Variants in STAG1 observed in about 807,000 individuals in gnomAD.
STAG1 encodes the protein STAG1 cohesin complex component.
Under a neutral mutation model 170.9 loss-of-function variants are expected in STAG1, and 26 were observed. The ratio of observed to expected loss-of-function variants is 0.15; its 90% CI spans 0.11 to 0.21. The LOEUF (loss-of-function observed/expected upper bound fraction) is 0.21, where lower values mean the gene tolerates loss of function less well. Ranked by LOEUF, STAG1 falls within the 10% of genes least tolerant of loss-of-function variation. STAG1 has a pLI of 1.00. For synonymous variants in STAG1, 514 were observed against 497.7 expected (o/e 1.03, Z -0.44); for missense variants, 964 against 1,509.5 (o/e 0.64, Z 5.99).
intron 9 of STAG1, among the ~76,000 whole-genome samples, chr3:136,477,772 C>T (rs1265483670): frequency 6.6e-6 from 1 of 152,118 alleles, no homozygotes; most frequent in African/African-American, 2.4e-5. Flanking sequence ...TAATGTTTCT[C>T]AAAAGAACTG....
At chr3:136,707,679 A>G (rs534418268) in intron 1 of STAG1, among the ~76,000 whole-genome samples, 1 of 152,350 alleles carries the variant, frequency 6.6e-6, no homozygotes, top group African/African-American at 2.4e-5. Context: ...GAAAAGGTCA[A>G]TGGGGAAGTG....
chr3:136,343,941 G>A lies in STAG1; in HGVS notation c.3337C>T (p.Pro1113Ser). 1 of 1,612,064 alleles carries A rather than the reference G, an allele frequency of 6.2e-7. No homozygotes were observed. Among genetic ancestry groups the A allele is most frequent in the Non-Finnish European group, 8.5e-7 (1 of 1,179,120 alleles). ...ACAGTGGATGTGAGTTGTGGTGCTG[G>A]CAGGGGGCCAGGAGTCTGAATCATG... The part of the protein sequence containing the change: ...DTMIQTPGPL[P>S]APQLTSTVLR... Residue 1113 changes from proline (P) to serine (S), a missense_variant, in exon 30 of 34, where the codon CCA becomes TCA. Coordinates refer to ENST00000383202, the MANE Select transcript of STAG1 (RefSeq NM_005862.3).
Position 136,343,848 on chromosome 3 carries a change from G to A in STAG1, c.3430C>T (p.Pro1144Ser), listed in dbSNP as rs1936102998. The A allele has an allele frequency of 4.4e-6, 7 of 1,579,266 alleles. No individual in the cohort carries two copies. Among genetic ancestry groups the A allele is most frequent in the Non-Finnish European group, 6.0e-6 (7 of 1,164,052 alleles). Residue 1144 changes from proline to serine, a missense_variant, in exon 30 of 34, where the codon CCA (proline) becomes TCA (serine). Pro to Ser is a moderately conservative substitution (Grantham distance 74). Around this residue, in one of 11 missense-constraint regions of STAG1, gnomAD observed 122 missense variants for 129.0 expected, o/e 0.95. Coordinates refer to ENST00000383202, the MANE Select transcript of STAG1 (RefSeq NM_005862.3). Reference protein sequence around the residue: ...QEPESEHGSEPDFLHNPQMQI... With the variant: ...QEPESEHGSESDFLHNPQMQI... ...GCTACTTACTTGTGTAAAAAGTCTG[G>A]TTCAGAACCATGTTCAGACTCAGGT...
chr3:136,590,249 T>C (rs558590340), intron 4 of STAG1, among the ~76,000 whole-genome samples: 205 of 150,694 alleles, frequency 1.4e-3, no homozygotes, highest in African/African-American at 2.5e-3. Context: ...CTTTGGGAGG[T>C]TGAGGTGGGT....
intron 29 of STAG1, among the ~76,000 whole-genome samples, chr3:136,346,476 C>CA (rs1357071836): frequency 4.6e-5 from 7 of 152,092 alleles, no homozygotes; most frequent in Non-Finnish European, 1.0e-4. Context: ...CTCAAATTGA[C>CA]AAAAAAGTTT....
At chr3:136,668,174 A>C (rs903164923) in intron 1 of STAG1, among the ~76,000 whole-genome samples, 2 of 151,672 alleles carry the variant, frequency 1.3e-5, no homozygotes, top group African/African-American at 4.8e-5. Flanking sequence ...TGGAGGTTGC[A>C]ATGAGGCGAG....
At chr3:136,509,286 G>A (rs991318015) in intron 7 of STAG1, among the ~76,000 whole-genome samples, 2 of 152,070 alleles carry the variant, frequency 1.3e-5, no homozygotes, top group East Asian at 1.9e-4. Context: ...GATAGGAAAT[G>A]TAGCTTTGAG....
intron 4 of STAG1, among the ~76,000 whole-genome samples, chr3:136,601,865 A>G (rs775252956): frequency 6.6e-6 from 1 of 152,060 alleles, no homozygotes; most frequent in Non-Finnish European, 1.5e-5. Flanking sequence ...CAGAAAAGAC[A>G]CAGCATAAGA....
chr3:136,354,660 A>G (rs961151330), intron 28 of STAG1, among the ~76,000 whole-genome samples: 2 of 151,394 alleles, frequency 1.3e-5, no homozygotes, highest in African/African-American at 4.9e-5. Context: ...GAAAATAACT[A>G]AAAAAATACA....
In STAG1 at chr3:136,423,187, T is replaced by A. The variant is rs1559792462; in HGVS notation, c.1651-143A>T. On this transcript the variant is annotated intron_variant, in intron 16 of 33. Transcript: ENST00000383202. ...TGACTGAAATAAACACAAGAAAGTT[T>A]ATGCAAATTTTTACATAACATGCAC... 14 of 545,840 alleles carry A rather than the reference T, an allele frequency of 2.6e-5. No individual in the cohort carries two copies. In the East Asian group the frequency reaches 4.3e-4, roughly 17 times the overall value. 33.8% of individuals were successfully genotyped at this position (545,840 alleles called of 1,614,324 possible).
At chr3:136,636,853 T>C (rs940903719) in intron 1 of STAG1, among the ~76,000 whole-genome samples, 7 of 152,200 alleles carry the variant, frequency 4.6e-5, no homozygotes, top group Non-Finnish European at 8.8e-5. Flanking sequence ...TCCCAGCAGC[T>C]CAGGGAGCAA....
chr3:136,516,130 T>A (rs775311551), intron 7 of STAG1, among the ~76,000 whole-genome samples: 1 of 152,150 alleles, frequency 6.6e-6, no homozygotes, highest in East Asian at 1.9e-4. Flanking sequence ...ATCTTAACCA[T>A]AGAAACCAGA....
At chr3:136,595,377 A>G (rs969643840) in intron 4 of STAG1, among the ~76,000 whole-genome samples, 1 of 152,070 alleles carries the variant, frequency 6.6e-6, no homozygotes, top group Non-Finnish European at 1.5e-5. Context: ...ATCATTCCAG[A>G]GCCTGAATAT....
chr3:136,577,311 G>T (rs1360310096), intron 4 of STAG1, among the ~76,000 whole-genome samples: 1 of 152,156 alleles, frequency 6.6e-6, no homozygotes, highest in Admixed American at 6.5e-5. Context: ...GGCTGATTTT[G>T]TTGAAAATCA....
chr3:136,449,900 C>A (rs1487306971), intron 14 of STAG1, among the ~76,000 whole-genome samples: 1 of 126,564 alleles, frequency 7.9e-6, no homozygotes, highest in Admixed American at 8.1e-5. Flanking sequence ...ACTATTGTTG[C>A]TTTTTTTTTT....
intron 5 of STAG1, among the ~76,000 whole-genome samples, chr3:136,551,208 TGAGAGAGAGAGAGAGAGAGA>T (rs57609965): frequency 5.4e-4 from 24 of 44,480 alleles, no homozygotes; most frequent in East Asian, 2.2e-3. Flanking sequence ...TGAGAGAGAG[TGAGAGAGAGAGAGAGAGAGA>T]GAGAGAGAGA....
At chr3:136,504,871 C>T (rs918835468) in intron 7 of STAG1, among the ~76,000 whole-genome samples, 1 of 152,110 alleles carries the variant, frequency 6.6e-6, no homozygotes, top group African/African-American at 2.4e-5. Flanking sequence ...TTTAATGACT[C>T]TCCTTCCATC....
intron 14 of STAG1, among the ~76,000 whole-genome samples, chr3:136,445,066 A>G (rs1382357343): frequency 7.0e-6 from 1 of 143,660 alleles, no homozygotes; most frequent in Non-Finnish European, 1.5e-5. Flanking sequence ...CCATGTTACT[A>G]GGCTGGTTTC....
intron 4 of STAG1, among the ~76,000 whole-genome samples, chr3:136,587,455 G>A (rs1365542373): frequency 7.6e-5 from 11 of 145,326 alleles, no homozygotes; most frequent in Admixed American, 5.7e-4. Context: ...CAGGAGAATC[G>A]CTTGAACCTG....
Sources: allele counts gnomAD v4.1 joint callset (sites outside exome capture counted in the v4.1 genomes callset), GRCh38; gene constraint gnomAD v4.1.1; regional missense constraint gnomAD v4.1.1; transcripts MANE v1.5; gene names NCBI Gene and HGNC (gene_info 2026-07-23, HGNC 2026-07-21).